AKR1D1: variants seen among roughly 807,000 people sequenced by gnomAD.
AKR1D1 encodes delta(4)-3-ketosteroid 5-beta-reductase.
A neutral mutation model predicts 42.6 loss-of-function variants in AKR1D1; 32 were observed. The observed-to-expected ratio is 0.75, with a 90% CI of 0.57 to 1.01. AKR1D1 has a LOEUF of 1.01. Ranked by LOEUF, AKR1D1 falls within the 50% of genes least tolerant of loss-of-function variation. The probability of loss-of-function intolerance (pLI) is 0.00; values close to 1 mark genes in which losing one functional copy is unlikely to be tolerated. For missense variants in AKR1D1, 364 were observed against 402.2 expected (o/e 0.91, Z 0.81); for synonymous variants, 123 against 135.5 (o/e 0.91, Z 0.64).
At chr7:138,107,332 G>A (rs1316948571) in intron 6 of AKR1D1, 83 bp from the exon 7 acceptor site, 1 of 1,453,786 alleles carries the variant, frequency 6.9e-7, no homozygotes. Flanking sequence ...GGGTGAATGG[G>A]AAGACAGAGG....
chr7:138,087,171 C>A (rs10278929), intron 1 of AKR1D1, among the ~76,000 whole-genome samples: 79,160 of 151,940 alleles, frequency 0.52, 21,502 homozygotes, highest in Middle Eastern at 0.61. Flanking sequence ...CTCTCACTTC[C>A]AAGGGTGTAC....
At chr7:138,095,615 T>C (rs1794168549) in intron 3 of AKR1D1, among the ~76,000 whole-genome samples, 1 of 152,122 alleles carries the variant, frequency 6.6e-6, no homozygotes, top group Non-Finnish European at 1.5e-5. Context: ...AATCTCCGCC[T>C]CCCGGGTTCA....
intron 2 of AKR1D1, 97 bp downstream of exon 2, chr7:138,088,865 C>T (rs1376260136): frequency 3.8e-6 from 4 of 1,043,302 alleles, no homozygotes; most frequent in African/African-American, 1.6e-5. Context: ...TGTAATTGCA[C>T]TCATGAGTAG....
chr7:138,094,234 G>A (rs965470341), intron 3 of AKR1D1, among the ~76,000 whole-genome samples: 8 of 152,186 alleles, frequency 5.3e-5, no homozygotes, highest in Non-Finnish European at 1.0e-4. Context: ...GGTAGGGTCA[G>A]CCGGGGACAG....
chr7:138,096,726 T>C (rs1210129343), intron 3 of AKR1D1, among the ~76,000 whole-genome samples: 2 of 152,204 alleles, frequency 1.3e-5, no homozygotes. Flanking sequence ...TCTCATGGTG[T>C]TCGTGACATC....
rs2117481375 is a variant in AKR1D1 at position 138,116,795 on chromosome 7, A to C, written c.*133A>C. On this transcript the variant is annotated 3_prime_UTR_variant, in exon 9 of 9. Transcript: ENST00000242375. ...AAGAAATAATGATGGAAACATGTTT[A>C]ATGTTTGTGCAGTGTAAATGACTTT... 1 of 812,342 alleles carries C rather than the reference A, an allele frequency of 1.2e-6. No homozygotes were observed. The highest frequency in any genetic ancestry group is 2.0e-6 in the Non-Finnish European group (1 of 497,370). The allele number at this position is 812,342 out of a possible 1,614,324, so 50.3% of individuals were successfully genotyped here.
chr7:138,097,999 G>T, intron 4 of AKR1D1, 56 bp downstream of exon 4: 1 of 1,280,992 alleles, frequency 7.8e-7, no homozygotes, highest in South Asian at 1.2e-5. Context: ...ACTGTGATCT[G>T]ATTATTCCTG....
chr7:138,098,525 G>T (rs1398272888), intron 4 of AKR1D1, among the ~76,000 whole-genome samples: 2 of 152,084 alleles, frequency 1.3e-5, no homozygotes, highest in African/African-American at 4.8e-5. Context: ...CAGGAGAATT[G>T]CTTGAACCTG....
In AKR1D1 at chr7:138,088,678, C is replaced by A; in HGVS notation, c.171C>A (p.Ile57=). The A allele has an allele frequency of 6.2e-7, 1 of 1,614,030 alleles. No homozygotes were observed. Among genetic ancestry groups the A allele is most frequent in the Non-Finnish European group, 8.5e-7 (1 of 1,179,996 alleles). Residue 57 remains isoleucine (I), a synonymous_variant, in exon 2 of 9, where the codon ATC becomes ATA. Transcript: ENST00000242375. ...TGYRHIDGAY[I]YQNEHEVGEA... ...ACCGACATATTGATGGGGCCTACAT[C>A]TACCAAAATGAACACGAAGTTGGGG...
chr7:138,099,368 A>G (rs1346914048), intron 4 of AKR1D1, among the ~76,000 whole-genome samples: 1 of 152,238 alleles, frequency 6.6e-6, no homozygotes, highest in Non-Finnish European at 1.5e-5. Flanking sequence ...TACTGATCCA[A>G]TGTAAACAGA....
chr7:138,090,830 T>G (rs1254333674), intron 2 of AKR1D1, among the ~76,000 whole-genome samples: 1 of 152,146 alleles, frequency 6.6e-6, no homozygotes, highest in Non-Finnish European at 1.5e-5. Flanking sequence ...TGATCCTTCA[T>G]TATGTAATGC....
chr7:138,109,084 C>T (rs899014074), intron 7 of AKR1D1, among the ~76,000 whole-genome samples: 2 of 152,082 alleles, frequency 1.3e-5, no homozygotes, highest in Non-Finnish European at 2.9e-5. Context: ...AAACAATCTT[C>T]AACAGGATTT....
At chr7:138,086,638 G>A (rs1285133806) in intron 1 of AKR1D1, among the ~76,000 whole-genome samples, 1 of 152,136 alleles carries the variant, frequency 6.6e-6, no homozygotes, top group Non-Finnish European at 1.5e-5. Context: ...AAAATCACTA[G>A]AAATACATTT....
chr7:138,100,229 A>C (rs1347171169), intron 4 of AKR1D1, among the ~76,000 whole-genome samples: 1 of 151,916 alleles, frequency 6.6e-6, no homozygotes, highest in Non-Finnish European at 1.5e-5. Flanking sequence ...AAAAAAGAAA[A>C]GGGGCAATAA....
chr7:138,100,748 A>T (rs1047980334), intron 4 of AKR1D1, among the ~76,000 whole-genome samples: 2 of 113,508 alleles, frequency 1.8e-5, no homozygotes, highest in African/African-American at 7.0e-5. Context: ...TCTGCCGCCC[A>T]GGCTGGAGTG....
At chr7:138,082,725 T>C (rs1429479389) in intron 1 of AKR1D1, among the ~76,000 whole-genome samples, 1 of 152,164 alleles carries the variant, frequency 6.6e-6, no homozygotes, top group Non-Finnish European at 1.5e-5. Flanking sequence ...ATCATAGTTA[T>C]TTTAACTTTT....
rs1458330822 is a variant in AKR1D1 at position 138,117,291 on chromosome 7, G to T, written c.*629G>T. ...TTAGTTTTTATCCAACCTGAGGAATGAAAACTTAACTGGATCTCTCTTGCA... is the reference window on the plus strand; with the variant it reads ...TTAGTTTTTATCCAACCTGAGGAATTAAAACTTAACTGGATCTCTCTTGCA... On this transcript the variant is annotated 3_prime_UTR_variant, in exon 9 of 9. Coordinates refer to ENST00000242375, the MANE Select transcript of AKR1D1 (RefSeq NM_005989.4). 6.5e-6 allele frequency: 1 copy of T among 152,892 alleles called. No individual in the cohort carries two copies. The highest frequency in any genetic ancestry group is 2.4e-5 in the African/African-American group (1 of 41,452). 9.5% of individuals were successfully genotyped at this position (152,892 alleles called of 1,614,324 possible). A position where few individuals can be genotyped will look rare whatever the true frequency, so the allele number is the denominator to read the frequency against.
Position 138,116,728 on chromosome 7 carries a change from C to G in AKR1D1, c.*66C>G, listed in dbSNP as rs577575310. The G allele has an allele frequency of 2.4e-5, 34 of 1,402,044 alleles. No homozygotes were observed. The highest frequency in any genetic ancestry group is 3.2e-5 in the Non-Finnish European group (32 of 990,638). The allele number at this position is 1,402,044 out of a possible 1,614,324, so 86.9% of individuals were successfully genotyped here. ...GCCAAGACGGTGCAATGGGTAGTCC[C>G]CTAGATGTGAAAATGAAGAGAGAGG... On this transcript the variant is annotated 3_prime_UTR_variant, in exon 9 of 9. Coordinates refer to ENST00000242375, the MANE Select transcript of AKR1D1 (RefSeq NM_005989.4).
At chr7:138,098,815 C>T (rs1434019789) in intron 4 of AKR1D1, among the ~76,000 whole-genome samples, 1 of 151,926 alleles carries the variant, frequency 6.6e-6, no homozygotes, top group Non-Finnish European at 1.5e-5. Flanking sequence ...AGAAGTCAAC[C>T]CAACAAGCAG....
Sources: gnomAD v4.1 joint callset for allele counts (sites outside exome capture counted in the v4.1 genomes callset) on GRCh38, gnomAD v4.1.1 for gene constraint, MANE v1.5 for transcripts, NCBI Gene and HGNC (gene_info 2026-07-23, HGNC 2026-07-21) for gene names.